The following DAO variants were observed in gnomAD, a reference collection of about 807,000 sequenced individuals.
DAO encodes the protein D-amino acid oxidase.
Under a neutral mutation model 50.1 loss-of-function variants are expected in DAO, and 51 were observed. The ratio of observed to expected loss-of-function variants is 1.02; its 90% CI spans 0.81 to 1.29. The LOEUF (loss-of-function observed/expected upper bound fraction) is 1.29. Ranked by LOEUF, DAO falls within the 50% of genes most tolerant of loss-of-function variation. The probability of loss-of-function intolerance (pLI) is 0.00; values close to 1 mark genes in which losing one functional copy is unlikely to be tolerated. For synonymous variants in DAO, 160 were observed against 166.2 expected (o/e 0.96, Z 0.29); for missense variants, 436 against 439.4 (o/e 0.99, Z 0.07).
chr12:108,897,861 T>C (rs1227587115), intron 8 of DAO, among the ~76,000 whole-genome samples: 1 of 151,694 alleles, frequency 6.6e-6, no homozygotes, highest in Non-Finnish European at 1.5e-5. Context: ...ATGGGAGGAT[T>C]GCTTGAACCT....
At chr12:108,887,864 T>G (rs2039451671) in intron 3 of DAO, among the ~76,000 whole-genome samples, 1 of 152,218 alleles carries the variant, frequency 6.6e-6, no homozygotes, top group Admixed American at 6.5e-5. Context: ...CACTTGGTGC[T>G]GAAGCCAAAA....
intron 7 of DAO, among the ~76,000 whole-genome samples, chr12:108,895,613 TG>T (rs1350271888): frequency 2.1e-5 from 3 of 146,284 alleles, no homozygotes. Context: ...TGTGTGTGTG[TG>T]AGAGTATGTA....
intron 1 of DAO, among the ~76,000 whole-genome samples, chr12:108,882,816 G>A (rs983222631): frequency 6.6e-6 from 1 of 152,154 alleles, no homozygotes; most frequent in African/African-American, 2.4e-5. Context: ...AATACAGAAA[G>A]CCCTTTATTC....
rs774148795 is a variant in DAO, at chr12:108,887,544, C to T, written c.289C>T (p.Leu97Phe). ...LGLFLISGYN[L>F]FHEAIPDPSW... ...CCTGTTCCTAATCTCGGGCTACAAC[C>T]TCTTCCATGAAGCCATTCCGGTGGG... Residue 97 changes from leucine to phenylalanine, a missense_variant, in exon 3 of 11, where the codon CTC becomes TTC. Transcript: ENST00000228476. 1.2e-6 allele frequency: 2 copies of T among 1,613,238 alleles called. No individual in the cohort carries two copies.
intron 10 of DAO, chr12:108,899,905 G>A (rs2039602912): frequency 3.2e-6 from 1 of 310,814 alleles, no homozygotes; most frequent in Admixed American, 4.7e-5. Flanking sequence ...CAGTGTTAAT[G>A]ATGGTGGTGA....
intron 9 of DAO, 82 bp downstream of exon 9, chr12:108,898,878 C>A: frequency 1.1e-6 from 1 of 870,368 alleles, no homozygotes; most frequent in Non-Finnish European, 1.9e-6. Flanking sequence ...GGGAAGATGC[C>A]ACCGCTGGGA....
intron 5 of DAO, among the ~76,000 whole-genome samples, chr12:108,891,071 T>A (rs1593162265): frequency 1.3e-5 from 2 of 152,304 alleles, no homozygotes; most frequent in South Asian, 4.2e-4. Flanking sequence ...TCTGCCCGCC[T>A]CGGCCTCCCA....
rs1294205667 is a variant in DAO, at chr12:108,890,229, C to A, written c.408C>A (p.Ser136Arg). The A allele has an allele frequency of 6.2e-7, 1 of 1,613,650 alleles. No individual in the cohort carries two copies. Among genetic ancestry groups the A allele is most frequent in the South Asian group, 1.1e-5 (1 of 91,068 alleles). Reference protein sequence around the residue: ...PDYGYGWFHTSLILEGKNYLQ... With the variant: ...PDYGYGWFHTRLILEGKNYLQ... ...CTAGCTATGGCTGGTTCCACACAAG[C>A]CTAATTCTGGAGGGAAAGAACTATC... The change falls in exon 5 of 11, where the codon AGC becomes AGA. Residue 136 changes from serine (S) to arginine (R), a missense_variant. Ser to Arg is a moderately radical substitution (Grantham distance 110). Coordinates refer to ENST00000228476, the MANE Select transcript of DAO (RefSeq NM_001917.5).
At chr12:108,894,543 G>C (rs980902259) in intron 7 of DAO, among the ~76,000 whole-genome samples, 176 bp downstream of exon 7, 2 of 152,102 alleles carry the variant, frequency 1.3e-5, no homozygotes, top group African/African-American at 2.4e-5. Context: ...CTCTCTTTCA[G>C]GATTTCCTCT....
At chr12:108,899,554 C>G in intron 10 of DAO, 79 bp downstream of exon 10, 1 of 1,243,442 alleles carries the variant, frequency 8.0e-7, no homozygotes, top group South Asian at 1.3e-5. Context: ...ACAGTCATGT[C>G]TGATCTCAAG....
At chr12:108,897,993 G>A (rs1179100776) in intron 8 of DAO, among the ~76,000 whole-genome samples, 1 of 152,062 alleles carries the variant, frequency 6.6e-6, no homozygotes, top group East Asian at 1.9e-4. Flanking sequence ...GAGTGGGAAT[G>A]GGAATGGTGA....
intron 7 of DAO, among the ~76,000 whole-genome samples, chr12:108,896,654 A>G (rs2039563926): frequency 6.6e-6 from 1 of 152,034 alleles, no homozygotes; most frequent in African/African-American, 2.4e-5. Flanking sequence ...CTCAGCTCCA[A>G]GGTTTCTCTG....
intron 5 of DAO, among the ~76,000 whole-genome samples, chr12:108,892,249 G>A (rs1197610482): frequency 6.5e-5 from 9 of 137,780 alleles, no homozygotes; most frequent in East Asian, 2.4e-4. Flanking sequence ...TGCAAGCTCC[G>A]CCTCCTGGGT....
chr12:108,880,997 TCA>T (rs1306824426), intron 1 of DAO, among the ~76,000 whole-genome samples: 1 of 152,090 alleles, frequency 6.6e-6, no homozygotes, highest in Non-Finnish European at 1.5e-5. Context: ...TCCCTAAACC[TCA>T]GTCCCAGCCT....
chr12:108,890,071 C>G (rs895996429), intron 4 of DAO, 137 bp from the exon 5 acceptor site: 20 of 767,126 alleles, frequency 2.6e-5, no homozygotes, highest in Non-Finnish European at 4.6e-5. Context: ...CCACGTCCCC[C>G]CTTGAACTTC....
intron 8 of DAO, 98 bp downstream of exon 8, chr12:108,897,186 C>T: frequency 1.2e-6 from 1 of 835,476 alleles, no homozygotes; most frequent in Admixed American, 1.8e-5. Flanking sequence ...TGCAGTTGTT[C>T]CCTTTCAATG....
At chr12:108,887,688 C>T in intron 3 of DAO, 124 bp downstream of exon 3, 1 of 763,122 alleles carries the variant, frequency 1.3e-6, no homozygotes. Flanking sequence ...CAACAGACTC[C>T]TGGGTTCAAA....
At chr12:108,891,716 A>G (rs949197531) in intron 5 of DAO, among the ~76,000 whole-genome samples, 1 of 151,746 alleles carries the variant, frequency 6.6e-6, no homozygotes, top group Admixed American at 6.6e-5. Context: ...CTCCCACCTC[A>G]GCCTCCAAAG....
chr12:108,887,651 A>G lies in DAO; in HGVS notation c.309+87A>G. 4.2e-6 allele frequency: 4 copies of G among 942,028 alleles called. No homozygotes were observed. In the South Asian group the frequency reaches 5.2e-5, roughly 12 times the overall value. The allele number at this position is 942,028 out of a possible 1,614,324, so 58.4% of individuals were successfully genotyped here. ...TGCAGCAGAGCCTTAATCACAGATG[A>G]GGGCGGGGTGCTTTGAGTCTCGTAG... On this transcript the variant is annotated intron_variant, in intron 3 of 10. Transcript: ENST00000228476.
Sources: gnomAD v4.1 joint callset for allele counts (sites outside exome capture counted in the v4.1 genomes callset) on GRCh38, gnomAD v4.1.1 for gene constraint, MANE v1.5 for transcripts, NCBI Gene and HGNC (gene_info 2026-07-23, HGNC 2026-07-21) for gene names.